Variants in ABCA5 observed in about 807,000 individuals in gnomAD.
ABCA5 encodes the protein cholesterol transporter ABCA5.
Under a neutral mutation model 206.0 loss-of-function variants are expected in ABCA5, and 163 were observed. The observed-to-expected ratio is 0.79, with a 90% CI of 0.70 to 0.90. The LOEUF is 0.90. Ranked by LOEUF, ABCA5 falls within the 40% of genes least tolerant of loss-of-function variation. The pLI, the probability that ABCA5 is intolerant of heterozygous loss-of-function variation, is 0.00. For missense variants in ABCA5, 1,859 were observed against 1,912.9 expected (o/e 0.97, Z 0.53); for synonymous variants, 609 against 613.8 (o/e 0.99, Z 0.11).
chr17:69,286,020 T>C lies in ABCA5; in HGVS notation c.2150A>G (p.Tyr717Cys). ...GYRLSMYIDK[Y>C]CATESLSSLV... ...TGAAGAAAGAGATTCTGTGGCACAA[T>C]ATTTGTCTATGTACATGCTAGAGAA... The change falls in exon 17 of 39, where the codon TAT becomes TGT. Residue 717 changes from tyrosine (Y) to cysteine (C), a missense_variant. Coordinates refer to ENST00000392676, the MANE Select transcript of ABCA5 (RefSeq NM_172232.4). 6.2e-7 allele frequency: 1 copy of C among 1,611,972 alleles called. No homozygotes were observed. Among genetic ancestry groups the C allele is most frequent in the Non-Finnish European group, 8.5e-7 (1 of 1,179,314 alleles).
intron 24 of ABCA5, among the ~76,000 whole-genome samples, chr17:69,263,091 T>C (rs550887626): frequency 1.3e-5 from 2 of 152,346 alleles, no homozygotes; most frequent in East Asian, 3.9e-4. Flanking sequence ...GTTTTGTTTT[T>C]TGATTGCTGA....
intron 10 of ABCA5, among the ~76,000 whole-genome samples, chr17:69,295,926 G>T (rs1598188033): frequency 6.6e-6 from 1 of 152,016 alleles, no homozygotes; most frequent in Admixed American, 6.6e-5. Flanking sequence ...ATTTTTCAGG[G>T]ATCAACTATA....
chr17:69,309,720 A>G (rs28592152), intron 3 of ABCA5, among the ~76,000 whole-genome samples: 15,896 of 152,012 alleles, frequency 0.1, 871 homozygotes, highest in Non-Finnish European at 0.11. Context: ...GTGTGCCTGC[A>G]CTTCCAGCTA....
chr17:69,319,969 C>T (rs543668109), intron 1 of ABCA5, among the ~76,000 whole-genome samples: 22 of 152,124 alleles, frequency 1.4e-4, no homozygotes, highest in Non-Finnish European at 3.1e-4. Flanking sequence ...AGACCTTGGG[C>T]AAGTTATTTA....
intron 19 of ABCA5, among the ~76,000 whole-genome samples, chr17:69,276,253 A>C (rs1442463871): frequency 1.3e-5 from 2 of 151,662 alleles, no homozygotes; most frequent in African/African-American, 4.8e-5. Context: ...CACCCAGCTA[A>C]TTTTTTTATA....
At chr17:69,268,291 C>A (rs9889277) in intron 22 of ABCA5, among the ~76,000 whole-genome samples, 14,911 of 152,024 alleles carry the variant, frequency 0.098, 788 homozygotes, top group Non-Finnish European at 0.11. Context: ...CTAAGCAAAT[C>A]ATTTTACTTT....
At chr17:69,322,753 C>A (rs1039696548) in intron 1 of ABCA5, among the ~76,000 whole-genome samples, 1 of 151,926 alleles carries the variant, frequency 6.6e-6, no homozygotes, top group Non-Finnish European at 1.5e-5. Context: ...AATAAACAAT[C>A]CATTTATTAT....
chr17:69,287,614 T>C lies in ABCA5; in HGVS notation c.2040A>G (p.Ala680=), dbSNP rs950986087. ...THFMDEADIL[A]DRKAVISQGM... The stretch of plus-strand genomic sequence containing the variant: ...TCGAAAATAAAACAAAAATCTCACC[T>C]GCAAGAATGTCAGCTTCATCCATGA... Residue 680 remains alanine, a splice_region_variant and synonymous_variant, in exon 15 of 39, where the codon GCA becomes GCG. Transcript: ENST00000392676. The C allele has an allele frequency of 1.9e-6, 3 of 1,609,168 alleles. No individual in the cohort carries two copies. Among genetic ancestry groups the C allele is most frequent in the East Asian group, 2.2e-5 (1 of 44,690 alleles).
intron 27 of ABCA5, 83 bp downstream of exon 27, chr17:69,260,255 T>TA (rs1222448370): frequency 2.8e-6 from 3 of 1,057,696 alleles, no homozygotes; most frequent in African/African-American, 3.3e-5. Context: ...TGCAACAGGA[T>TA]AAAAAACTAA....
rs1376425078 is a variant in ABCA5 at position 69,301,228 on chromosome 17, G to T, written c.1178C>A (p.Pro393Gln). ...GATAATTGTAATAATTAGAGGATATGGGCCTGCAGTCAAATTTGAAAATGA... is the reference window on the plus strand; with the variant it reads ...GATAATTGTAATAATTAGAGGATATTGGCCTGCAGTCAAATTTGAAAATGA... The part of the protein sequence containing the change: ...GASFSNLTAG[P>Q]YPLIITIIML... The change falls in exon 9 of 39, where the codon CCA becomes CAA. Residue 393 changes from proline (P) to glutamine (Q), a missense_variant. Coordinates refer to ENST00000392676, the MANE Select transcript of ABCA5 (RefSeq NM_172232.4). 3 of 1,602,890 alleles carry T rather than the reference G, an allele frequency of 1.9e-6. No homozygotes were observed. Among genetic ancestry groups the T allele is most frequent in the Non-Finnish European group, 2.5e-6 (3 of 1,177,154 alleles).
At chr17:69,252,014 T>G in intron 34 of ABCA5, 148 bp from the exon 35 acceptor site, 3 of 772,642 alleles carry the variant, frequency 3.9e-6, no homozygotes, top group Non-Finnish European at 4.0e-6. Flanking sequence ...TGCCCAACTA[T>G]GATTTTTTTT....
chr17:69,262,275 G>A (rs1458345791), intron 24 of ABCA5, among the ~76,000 whole-genome samples: 1 of 152,114 alleles, frequency 6.6e-6, no homozygotes, highest in Non-Finnish European at 1.5e-5. Flanking sequence ...ATGTGCAGGT[G>A]TGTTACATGG....
chr17:69,281,896 G>A (rs1282061352), intron 18 of ABCA5, among the ~76,000 whole-genome samples: 1 of 152,160 alleles, frequency 6.6e-6, no homozygotes, highest in Non-Finnish European at 1.5e-5. Context: ...CGGCATTCAT[G>A]CAAAATGTGT....
chr17:69,253,511 A>G, intron 34 of ABCA5, 62 bp downstream of exon 34: 1 of 1,108,462 alleles, frequency 9.0e-7, no homozygotes, highest in Non-Finnish European at 1.3e-6. Context: ...TTAAACTATT[A>G]TAATAAAAGA....
Position 69,270,602 on chromosome 17 carries a change from C to T in ABCA5, c.3030+11G>A, listed in dbSNP as rs775802384. ...GCATATGGAAATTTATCTGTATATA[C>T]ATTGGCTTACTTGAAAGAATGGGGT... is the stretch of plus-strand genomic sequence containing the variant. On this transcript the variant is annotated intron_variant, in intron 22 of 38. Coordinates refer to ENST00000392676, the MANE Select transcript of ABCA5 (RefSeq NM_172232.4). 1.5e-5 allele frequency: 23 copies of T among 1,580,152 alleles called. No homozygotes were observed. The highest frequency in any genetic ancestry group is 2.7e-5 in the African/African-American group (2 of 72,790).
chr17:69,293,878 G>T (rs890593474), intron 11 of ABCA5, among the ~76,000 whole-genome samples: 15,086 of 120,020 alleles, frequency 0.13, 870 homozygotes, highest in South Asian at 0.15. Context: ...GTGTGCGTGT[G>T]TGTGTGTTTG....
intron 10 of ABCA5, among the ~76,000 whole-genome samples, chr17:69,295,372 C>T (rs923502788): frequency 1.2e-4 from 18 of 152,090 alleles, no homozygotes; most frequent in African/African-American, 4.1e-4. Flanking sequence ...CGGTATTGCA[C>T]TACACATAAT....
intron 28 of ABCA5, among the ~76,000 whole-genome samples, 157 bp from the exon 29 acceptor site, chr17:69,256,440 T>C (rs10445224): frequency 0.53 from 79,303 of 150,712 alleles, 21,089 homozygotes; most frequent in African/African-American, 0.56. Flanking sequence ...ATTTCTTTTT[T>C]TTTCTTTCTT....
At chr17:69,272,063 C>G (rs1021001306) in intron 20 of ABCA5, among the ~76,000 whole-genome samples, 2 of 152,088 alleles carry the variant, frequency 1.3e-5, no homozygotes, top group African/African-American at 4.8e-5. Flanking sequence ...AAATTTAAAT[C>G]AAACAAAGCA....
Sources: allele counts gnomAD v4.1 joint callset (sites outside exome capture counted in the v4.1 genomes callset), GRCh38; gene constraint gnomAD v4.1.1; transcripts MANE v1.5; gene names NCBI Gene and HGNC (gene_info 2026-07-23, HGNC 2026-07-21).